The following ITGA5 variants were observed in gnomAD, a reference collection of about 807,000 sequenced individuals.
ITGA5 encodes the protein integrin alpha-5.
Under a neutral mutation model 146.3 loss-of-function variants are expected in ITGA5, and 55 were observed. The ratio of observed to expected loss-of-function variants is 0.38; its 90% CI spans 0.30 to 0.47. The LOEUF is 0.47. ITGA5 is among the 20% of genes least tolerant of loss of function. ITGA5 has a pLI of 0.99. For synonymous variants in ITGA5, 500 were observed against 531.8 expected (o/e 0.94, Z 0.82); for missense variants, 1,131 against 1,329.0 (o/e 0.85, Z 2.32).
rs768022637 is a variant in ITGA5 at position 54,416,056 on chromosome 12, TTTTG to T, written c.218+2921_218+2924del. On this transcript the variant is annotated intron_variant, in intron 1 of 29. Transcript: ENST00000293379. The surrounding 1 kb of genome is among the most constrained non-coding windows in gnomAD (Gnocchi z 4.1). ...TCCTGAAGCCTCAGTTGTTTTTATT[TTTTG>T]TTTGTTTGTTGTTGTTTTTTTGAGA... Among the ~76,000 whole-genome samples, 2 of 152,126 alleles carry T rather than the reference TTTTG, an allele frequency of 1.3e-5. No individual in the cohort carries two copies. Among genetic ancestry groups the T allele is most frequent in the Non-Finnish European group, 1.5e-5 (1 of 68,004 alleles).
At chr12:54,415,565 G>A (rs1043059055) in intron 1 of ITGA5, among the ~76,000 whole-genome samples, 1 of 152,164 alleles carries the variant, frequency 6.6e-6, no homozygotes, top group African/African-American at 2.4e-5. Context: ...CAGGAATCCT[G>A]ATTTCTACGA....
At chr12:54,412,042 C>G in intron 1 of ITGA5, 78 bp from the exon 2 acceptor site, 1 of 1,286,920 alleles carries the variant, frequency 7.8e-7, no homozygotes. Context: ...AGGACCCAGG[C>G]CTCTAGGCTG....
At chr12:54,404,557 T>C in intron 13 of ITGA5, 82 bp from the exon 14 acceptor site, 2 of 1,546,332 alleles carry the variant, frequency 1.3e-6, no homozygotes, top group Non-Finnish European at 1.8e-6. Context: ...GTTTCAACGC[T>C]CAGGGAGGTT....
At chr12:54,411,378 GTC>G (rs1265510814) in intron 2 of ITGA5, among the ~76,000 whole-genome samples, 1 of 152,214 alleles carries the variant, frequency 6.6e-6, no homozygotes, top group Non-Finnish European at 1.5e-5. Flanking sequence ...ATAGCTGTTA[GTC>G]TCCATCTTCC....
At chr12:54,418,614 G>A (rs1217844533) in intron 1 of ITGA5, among the ~76,000 whole-genome samples, 1 of 139,744 alleles carries the variant, frequency 7.2e-6, no homozygotes, top group African/African-American at 2.7e-5. Context: ...CCCCCTCTGC[G>A]CCCCCACCCG....
chr12:54,396,492 A>C (rs1332358304), intron 29 of ITGA5, 116 bp from the exon 30 acceptor site: 7 of 804,758 alleles, frequency 8.7e-6, no homozygotes, highest in Admixed American at 4.6e-5. Context: ...CATCCTGCAA[A>C]AGTGGCCTCT....
intron 1 of ITGA5, among the ~76,000 whole-genome samples, chr12:54,412,798 T>A (rs989000355): frequency 2.6e-5 from 4 of 152,200 alleles, no homozygotes; most frequent in African/African-American, 9.7e-5. Context: ...TCTGCCTCAT[T>A]CATCCCTAGG....
Position 54,419,118 on chromosome 12 carries a change from C to A in ITGA5, c.81G>T (p.Pro27=), listed in dbSNP as rs1357569291. 6.3e-7 allele frequency: 1 copy of A among 1,590,656 alleles called. No individual in the cohort carries two copies. The change falls in exon 1 of 30, where the codon CCG becomes CCT. Residue 27 remains proline, a synonymous_variant. Transcript: ENST00000293379. ...WGPRRRPPLL[P]LLLLLLPPPP... is the part of the protein sequence containing the mutation. ...GCGGCGGCAGCAGCAGCAACAGCAG[C>A]GGCAGCAGCGGGGGTCGGCGCCGGG...
chr12:54,398,876 G>C (rs961196744), intron 27 of ITGA5, 178 bp from the exon 28 acceptor site: 12 of 462,714 alleles, frequency 2.6e-5, no homozygotes, highest in Non-Finnish European at 3.9e-5. Context: ...GTCTCACTCT[G>C]TCCCCCAGGC....
In ITGA5 at chr12:54,404,752, A is replaced by G; in HGVS notation, c.1368T>C (p.Phe456=). ...CTCGGCCTCCTCGAAGGGCAGAGCC[A>G]AAGAAGTCTGGGGTGTGGCTGGCTG... The part of the protein sequence containing the change: ...LWAASHTPDF[F]GSALRGGRDL... The change falls in exon 13 of 30, where the codon TTT becomes TTC. Residue 456 remains phenylalanine, a synonymous_variant. Coordinates refer to ENST00000293379, the MANE Select transcript of ITGA5 (RefSeq NM_002205.5). The G allele has an allele frequency of 6.2e-7, 1 of 1,614,166 alleles. No individual in the cohort carries two copies. Among genetic ancestry groups the G allele is most frequent in the South Asian group, 1.1e-5 (1 of 91,086 alleles).
At position 54,398,635 on chromosome 12, in the gene ITGA5, G is replaced by A. The variant is rs1955744854; in HGVS notation, c.2905C>T (p.Arg969Ter). Reference sequence around the variant, plus strand: ...TGGGGCAGCTGCCGAGGCAGGATTCGGTAGGGCATCTTCAGGGCTTTGTAC... The same window carrying A: ...TGGGGCAGCTGCCGAGGCAGGATTCAGTAGGGCATCTTCAGGGCTTTGTAC... ...AVYKALKMPY[R>*]ILPRQLPQKE... The change falls in exon 28 of 30, where the codon CGA (arginine) becomes TGA (stop). Residue 969 changes from arginine (R) to a stop codon, truncating the protein, a stop_gained. Coordinates refer to ENST00000293379, the MANE Select transcript of ITGA5 (RefSeq NM_002205.5). LOFTEE classifies it high-confidence loss of function. 1.2e-6 allele frequency: 2 copies of A among 1,611,230 alleles called. No individual in the cohort carries two copies. The highest frequency in any genetic ancestry group is 8.5e-7 in the Non-Finnish European group (1 of 1,178,916).
At position 54,401,075 on chromosome 12, in the gene ITGA5, C is replaced by T. The variant is rs1955779064; in HGVS notation, c.2494-80G>A. On this transcript the variant is annotated intron_variant, in intron 24 of 29. Transcript: ENST00000293379. This position sits in a 1 kb window ranked among gnomAD's most constrained non-coding sequence, Gnocchi z 5.0. ...TTGAGACCCTGGATCACCATGGCTC[C>T]ACTATACCCTGCTGTCAGGCTCCTA... The T allele has an allele frequency of 7.2e-7, 1 of 1,388,210 alleles. No individual in the cohort carries two copies. The highest frequency in any genetic ancestry group is 1.3e-5 in the South Asian group (1 of 78,130). 86.0% of individuals were successfully genotyped at this position (1,388,210 alleles called of 1,614,324 possible).
At chr12:54,399,432 G>GA (rs1346226190) in intron 27 of ITGA5, among the ~76,000 whole-genome samples, 1 of 151,982 alleles carries the variant, frequency 6.6e-6, no homozygotes, top group Non-Finnish European at 1.5e-5. Context: ...TCCCTCCTCT[G>GA]AATGGGCCAG....
In ITGA5 at chr12:54,404,315, C is replaced by T; in HGVS notation, c.1464-69G>A. On this transcript the variant is annotated intron_variant, in intron 14 of 29. Coordinates refer to ENST00000293379, the MANE Select transcript of ITGA5 (RefSeq NM_002205.5). ...GTAACCTGGACACAGGAAACTGATG[C>T]CCAAGCGCCAGAATGTGTGTCCTCT... 1.9e-6 allele frequency: 3 copies of T among 1,566,820 alleles called. No homozygotes were observed. In the Admixed American group the frequency reaches 5.0e-5, roughly 26 times the overall value.
Position 54,397,494 on chromosome 12 carries a change from A to G in ITGA5, c.2944-7T>C. 6.2e-7 allele frequency: 1 copy of G among 1,613,756 alleles called. No homozygotes were observed. Among genetic ancestry groups the G allele is most frequent in the Admixed American group, 1.7e-5 (1 of 60,014 alleles). On this transcript the variant is annotated splice_region_variant and splice_polypyrimidine_tract_variant and intron_variant, in intron 28 of 29. Coordinates refer to ENST00000293379, the MANE Select transcript of ITGA5 (RefSeq NM_002205.5). ...ATTGCACAGCTGTGGCCACCTGGGG[A>G]GCAAGTTGGGTGAAGTCAATGAAAG... is the stretch of plus-strand genomic sequence containing the variant.
Position 54,401,414 on chromosome 12 carries a change from T to C in ITGA5, c.2452A>G (p.Lys818Glu). 3 of 1,613,930 alleles carry C rather than the reference T, an allele frequency of 1.9e-6. No homozygotes were observed. The highest frequency in any genetic ancestry group is 2.5e-6 in the Non-Finnish European group (3 of 1,179,946). Residue 818 changes from lysine (K) to glutamate (E), a missense_variant, in exon 24 of 30, where the codon AAG becomes GAG. By Grantham distance (56) the Lys-to-Glu change is moderately conservative. This residue lies in a region of ITGA5 where 889 missense variants were observed against 1,021.5 expected (regional missense o/e 0.87). Transcript: ENST00000293379. This position sits in a 1 kb window ranked among gnomAD's most constrained non-coding sequence, Gnocchi z 5.0. ...SDWHPRDQPQ[K>E]EEDLGPAVHH... ...ACAGCAGGTCCCAGGTCCTCCTCCT[T>C]CTGAGGCTGGTCTCGGGGATGCCAG...
At position 54,404,866 on chromosome 12, in the gene ITGA5, C is replaced by T. The variant is rs751085559; in HGVS notation, c.1254G>A (p.Gly418=). 1.3e-6 allele frequency: 2 copies of T among 1,596,248 alleles called. No homozygotes were observed. The highest frequency in any genetic ancestry group is 1.1e-5 in the South Asian group (1 of 88,478). ...NDVAIGAPFG[G]ETQQGVVFVF... is the part of the protein sequence containing the mutation. Reference sequence around the variant, plus strand: ...CAAACACTACTCCCTGCTGGGTCTCCCCACCAAAGGGAGCCCCGATGGCCA... The same window carrying T: ...CAAACACTACTCCCTGCTGGGTCTCTCCACCAAAGGGAGCCCCGATGGCCA... Residue 418 remains glycine, a synonymous_variant, in exon 13 of 30, where the codon GGG becomes GGA. Coordinates refer to ENST00000293379, the MANE Select transcript of ITGA5 (RefSeq NM_002205.5).
chr12:54,405,719 G>A lies in ITGA5; in HGVS notation c.964-3C>T, dbSNP rs1955858007. On this transcript the variant is annotated splice_polypyrimidine_tract_variant and splice_region_variant and intron_variant, in intron 10 of 29. Transcript: ENST00000293379. ...GCATAGCCAAAGTAGGAGGCCATCT[G>A]GGGAGGACAAAGGGGCAGCGCTGGG... The A allele has an allele frequency of 6.2e-7, 1 of 1,613,880 alleles. No homozygotes were observed. The highest frequency in any genetic ancestry group is 1.7e-5 in the Admixed American group (1 of 59,986).
Position 54,396,057 on chromosome 12 carries a change from T to C in ITGA5, c.*236A>G, listed in dbSNP as rs868537292. ...GGGGCCTCTGTCCCTGGATCTGAGTTCCCCCATCCATGAAGAGGGTATGTG... is the reference window on the plus strand; with the variant it reads ...GGGGCCTCTGTCCCTGGATCTGAGTCCCCCCATCCATGAAGAGGGTATGTG... On this transcript the variant is annotated 3_prime_UTR_variant, in exon 30 of 30. Transcript: ENST00000293379. The C allele has an allele frequency of 7.1e-5, 32 of 452,050 alleles. No individual in the cohort carries two copies. The highest frequency in any genetic ancestry group is 5.4e-4 in the African/African-American group (27 of 49,932). 28.0% of individuals were successfully genotyped at this position (452,050 alleles called of 1,614,324 possible).
Sources: gnomAD v4.1 joint callset for allele counts (sites outside exome capture counted in the v4.1 genomes callset) on GRCh38, gnomAD v4.1.1 for gene constraint, gnomAD v4.1.1 regional missense constraint, Gnocchi (gnomAD v3.1) non-coding constraint, MANE v1.5 for transcripts, NCBI Gene and HGNC (gene_info 2026-07-23, HGNC 2026-07-21) for gene names.